MDN1: variants seen among roughly 807,000 people sequenced by gnomAD.
MDN1 encodes midasin.
A neutral mutation model predicts 669.2 loss-of-function variants in MDN1; 266 were observed. The observed-to-expected ratio is 0.40, with a 90% CI of 0.36 to 0.44. The LOEUF (loss-of-function observed/expected upper bound fraction) is 0.44, where lower values mean the gene tolerates loss of function less well. MDN1 is among the 20% of genes least tolerant of loss of function. The pLI is 1.00. For synonymous variants in MDN1, 2,385 were observed against 2,457.1 expected, an observed-to-expected ratio of 0.97 and a Z score of 0.87; for missense variants, 5,940 against 6,754.0, an observed-to-expected ratio of 0.88 and a Z score of 4.22.
intron 1 of MDN1, among the ~76,000 whole-genome samples, chr6:89,809,888 C>T (rs58801423): frequency 0.14 from 20,194 of 146,082 alleles, 1,494 homozygotes; most frequent in East Asian, 0.22. Context: ...ACTCATGAGG[C>T]TAGAGTTGGG....
chr6:89,767,944 A>C (rs1817882161), intron 15 of MDN1, among the ~76,000 whole-genome samples: 1 of 152,090 alleles, frequency 6.6e-6, no homozygotes, highest in African/African-American at 2.4e-5. Context: ...AGGAGGGCCT[A>C]GGTGGGAGGA....
intron 101 of MDN1, 27 bp from the exon 102 acceptor site, chr6:89,644,220 G>A: frequency 6.4e-7 from 1 of 1,572,870 alleles, no homozygotes; most frequent in Non-Finnish European, 8.6e-7. Context: ...TTTTGAAATG[G>A]GGAGGCAGCG....
chr6:89,668,249 G>A (rs1810406954), intron 83 of MDN1, 98 bp from the exon 84 acceptor site: 4 of 1,426,996 alleles, frequency 2.8e-6, no homozygotes, highest in Non-Finnish European at 3.8e-6. Flanking sequence ...AACACATACT[G>A]AATTCTTTTT....
At chr6:89,779,411 A>G (rs1018899281) in intron 11 of MDN1, among the ~76,000 whole-genome samples, 6 of 152,198 alleles carry the variant, frequency 3.9e-5, no homozygotes, top group Non-Finnish European at 5.9e-5. Flanking sequence ...AGATAATAAC[A>G]ATGGACCCCA....
intron 100 of MDN1, 117 bp downstream of exon 100, chr6:89,646,423 C>T: frequency 1.2e-6 from 1 of 827,604 alleles, no homozygotes. Context: ...TATGTCTTTT[C>T]CTGTGGAGCA....
intron 26 of MDN1, among the ~76,000 whole-genome samples, chr6:89,748,444 A>G (rs991076609): frequency 1.3e-5 from 2 of 152,242 alleles, no homozygotes; most frequent in African/African-American, 2.4e-5. Flanking sequence ...GAAGTTTGAC[A>G]ATGTATACTT....
chr6:89,793,153 C>T (rs185455281), intron 5 of MDN1, among the ~76,000 whole-genome samples: 2 of 152,298 alleles, frequency 1.3e-5, no homozygotes, highest in African/African-American at 4.8e-5. Context: ...AGAGGAAGTT[C>T]ACTAGATACT....
rs1387335862 is a variant in MDN1 at position 89,743,623 on chromosome 6, C to T, written c.4270G>A (p.Asp1424Asn). 6.2e-7 allele frequency: 1 copy of T among 1,614,198 alleles called. No homozygotes were observed. The highest frequency in any genetic ancestry group is 8.5e-7 in the Non-Finnish European group (1 of 1,180,008). Reference sequence around the variant, plus strand: ...ACTGGCCGCAGGCCACCCAGGAAGTCTGATGTCTCCATGTGTAAGTGGCAG... The same window carrying T: ...ACTGGCCGCAGGCCACCCAGGAAGTTTGATGTCTCCATGTGTAAGTGGCAG... ...VSCHLHMETS[D>N]FLGGLRPVRQ... Residue 1424 changes from aspartate to asparagine, a missense_variant, in exon 30 of 102, where the codon GAC (aspartate) becomes AAC (asparagine). By Grantham distance (23) the Asp-to-Asn change is conservative. Coordinates refer to ENST00000369393, the MANE Select transcript of MDN1 (RefSeq NM_014611.3).
chr6:89,755,846 C>T (rs1269457493), intron 20 of MDN1, among the ~76,000 whole-genome samples: 2 of 152,208 alleles, frequency 1.3e-5, no homozygotes, highest in African/African-American at 4.8e-5. Flanking sequence ...ATTTATTAGG[C>T]TAAGCTTCCA....
Position 89,774,729 on chromosome 6 carries a change from T to A in MDN1, c.1826A>T (p.Glu609Val). 1 of 1,609,610 alleles carries A rather than the reference T, an allele frequency of 6.2e-7. No individual in the cohort carries two copies. The highest frequency in any genetic ancestry group is 8.5e-7 in the Non-Finnish European group (1 of 1,176,082). The change falls in exon 13 of 102, where the codon GAA becomes GTA. Residue 609 changes from glutamate (E) to valine (V), a missense_variant. By Grantham distance (121) the Glu-to-Val change is moderately radical. Transcript: ENST00000369393. ...TGGTTTATAAAGTTGACAAAAGAAT[T>A]CAGCCTGTAGGAGGTAAGATTTTAC... ...SKLNISRKKAEFFCQLYKPEI... is the reference protein window; with the variant it reads ...SKLNISRKKAVFFCQLYKPEI...
intron 50 of MDN1, among the ~76,000 whole-genome samples, 188 bp from the exon 51 acceptor site, chr6:89,708,816 C>T (rs1295552152): frequency 3.9e-5 from 6 of 152,066 alleles, no homozygotes; most frequent in Non-Finnish European, 7.4e-5. Context: ...ATAGCTTTTA[C>T]ACTCTATCTT....
intron 2 of MDN1, among the ~76,000 whole-genome samples, chr6:89,798,727 T>C (rs763086444): frequency 2.0e-5 from 3 of 152,286 alleles, no homozygotes; most frequent in South Asian, 2.1e-4. Context: ...ATATAAACTA[T>C]CCCAATAAAG....
chr6:89,687,368 A>G lies in MDN1; in HGVS notation c.11426T>C (p.Ile3809Thr). The G allele has an allele frequency of 6.2e-7, 1 of 1,614,084 alleles. No individual in the cohort carries two copies. The highest frequency in any genetic ancestry group is 8.5e-7 in the Non-Finnish European group (1 of 1,179,992). ...CTTCAGCTCCAGTTTACGCCACCGA[A>G]TGATCATCTGACTGATCAAATCAAG... ...KHLDLISQMIIRWRKLELNCW... is the reference protein window; with the variant it reads ...KHLDLISQMITRWRKLELNCW... The change falls in exon 68 of 102, where the codon ATT (isoleucine) becomes ACT (threonine). Residue 3809 changes from isoleucine to threonine, a missense_variant. By Grantham distance (89) the Ile-to-Thr change is moderately conservative. Around this residue, in one of 5 missense-constraint regions of MDN1, gnomAD observed 2,280 missense variants for 2,576.3 expected, o/e 0.88. Coordinates refer to ENST00000369393, the MANE Select transcript of MDN1 (RefSeq NM_014611.3).
intron 1 of MDN1, chr6:89,815,178 C>T (rs11754332): frequency 8.0e-6 from 3 of 377,222 alleles, no homozygotes; most frequent in African/African-American, 4.2e-5. Flanking sequence ...GACAGGCTCA[C>T]GTGCCTACCC....
Position 89,664,639 on chromosome 6 carries a change from A to C in MDN1, c.14095-11T>G, listed in dbSNP as rs1450653137. The stretch of plus-strand genomic sequence containing the variant: ...AAATGTATCTTCCACCTACATAAAG[A>C]AGTATTAAACATAAATAAATGAAAC... On this transcript the variant is annotated splice_polypyrimidine_tract_variant and intron_variant, in intron 84 of 101. Coordinates refer to ENST00000369393, the MANE Select transcript of MDN1 (RefSeq NM_014611.3). 6.3e-7 allele frequency: 1 copy of C among 1,597,694 alleles called. No individual in the cohort carries two copies. The highest frequency in any genetic ancestry group is 1.1e-5 in the South Asian group (1 of 89,270).
rs1238820584 is a variant in MDN1, at chr6:89,819,722, C to G, written c.-115G>C. The G allele has an allele frequency of 1.8e-5, 14 of 798,822 alleles. No homozygotes were observed. Among genetic ancestry groups the G allele is most frequent in the Non-Finnish European group, 2.9e-5 (14 of 476,246 alleles). The allele number at this position is 798,822 out of a possible 1,614,324, so 49.5% of individuals were successfully genotyped here. A position where few individuals can be genotyped will look rare whatever the true frequency, so the allele number is the denominator to read the frequency against. On this transcript the variant is annotated 5_prime_UTR_variant, in exon 1 of 102. Coordinates refer to ENST00000369393, the MANE Select transcript of MDN1 (RefSeq NM_014611.3). ...CCAGCAACTACGCCCGCAGGAAAGG[C>G]GTCCTCAGCTCCAGCGCCTACACCG...
At chr6:89,721,173 G>A (rs1037403182) in intron 40 of MDN1, among the ~76,000 whole-genome samples, 7 of 152,146 alleles carry the variant, frequency 4.6e-5, no homozygotes, top group Admixed American at 6.5e-5. Flanking sequence ...GGTAGGAGTC[G>A]ACTCCTGTGA....
chr6:89,680,477 G>A, intron 74 of MDN1, 112 bp downstream of exon 74: 1 of 1,306,810 alleles, frequency 7.7e-7, no homozygotes, highest in Admixed American at 2.7e-5. Context: ...TCAATCAACT[G>A]TTCAACACTA....
chr6:89,762,613 G>T, intron 15 of MDN1, 83 bp from the exon 16 acceptor site: 1 of 960,234 alleles, frequency 1.0e-6, no homozygotes, highest in Non-Finnish European at 1.6e-6. Flanking sequence ...AACAGGAGTA[G>T]GTCTCAGATT....
Sources: allele counts gnomAD v4.1 joint callset (sites outside exome capture counted in the v4.1 genomes callset), GRCh38; gene constraint gnomAD v4.1.1; regional missense constraint gnomAD v4.1.1; transcripts MANE v1.5; gene names NCBI Gene and HGNC (gene_info 2026-07-23, HGNC 2026-07-21).